Variants in CHRNA2 observed in about 807,000 individuals in gnomAD.
CHRNA2 encodes the protein neuronal acetylcholine receptor subunit alpha-2.
In CHRNA2, 40 loss-of-function variants were observed where a neutral mutation model predicts 45.5. The ratio of observed to expected loss-of-function variants is 0.88; its 90% CI spans 0.68 to 1.15. The LOEUF is 1.15. CHRNA2 is among the 50% of genes most tolerant of loss of function. The pLI, the probability that CHRNA2 is intolerant of heterozygous loss-of-function variation, is 0.00. For synonymous variants in CHRNA2, 301 were observed against 296.7 expected (o/e 1.01, Z -0.15); for missense variants, 655 against 701.7 (o/e 0.93, Z 0.75).
chr8:27,469,936 G>C lies in CHRNA2; in HGVS notation c.119C>G (p.Pro40Arg). 1 of 1,614,098 alleles carries C rather than the reference G, an allele frequency of 6.2e-7. No homozygotes were observed. Among genetic ancestry groups the C allele is most frequent in the Non-Finnish European group, 8.5e-7 (1 of 1,180,030 alleles). ...TGCCGTGGGACTGGGAGAGGAGAGTGGGTCTCCAGGAGCCCTGGGAGGTGG... is the reference window on the plus strand; with the variant it reads ...TGCCGTGGGACTGGGAGAGGAGAGTCGGTCTCCAGGAGCCCTGGGAGGTGG... ...KRPPPRAPGD[P>R]LSSPSPTALP... The change falls in exon 3 of 7, where the codon CCA (proline) becomes CGA (arginine). Residue 40 changes from proline to arginine, a missense_variant. Pro to Arg is a moderately radical substitution (Grantham distance 103, BLOSUM62 -2). This residue lies in a region of CHRNA2 where 323 missense variants were observed against 354.4 expected (regional missense o/e 0.91). Coordinates refer to ENST00000407991, the MANE Select transcript of CHRNA2 (RefSeq NM_000742.4).
chr8:27,471,356 A>C (rs1312614014), intron 1 of CHRNA2, 162 bp from the exon 2 acceptor site: 1 of 377,968 alleles, frequency 2.6e-6, no homozygotes, highest in Non-Finnish European at 5.0e-6. Context: ...TTGAGGAATC[A>C]GCCTCTTCCT....
At chr8:27,470,069 A>AACAC in intron 2 of CHRNA2, 88 bp from the exon 3 acceptor site, 1 of 1,223,752 alleles carries the variant, frequency 8.2e-7, no homozygotes, top group Non-Finnish European at 1.2e-6. Flanking sequence ...CCTATCTCAA[A>AACAC]ACATTGTTGA....
At position 27,479,040 on chromosome 8, in the gene CHRNA2, C is replaced by T. The variant is rs1224322591; in HGVS notation, c.-353G>A. On this transcript the variant is annotated 5_prime_UTR_variant, in exon 1 of 7. Transcript: ENST00000407991. ...CTTACATGAGAGGCATTTGGCTTCC[C>T]GGGGACAGCTGGGCAAGCTCTGCAG... is the stretch of plus-strand genomic sequence containing the variant. 2.0e-5 allele frequency: 3 copies of T among 152,198 alleles called. No individual in the cohort carries two copies. The highest frequency in any genetic ancestry group is 4.8e-5 in the African/African-American group (2 of 41,408). 9.4% of individuals were successfully genotyped at this position (152,198 alleles called of 1,614,324 possible). A position where few individuals can be genotyped will look rare whatever the true frequency, so the allele number is the denominator to read the frequency against.
At chr8:27,472,990 T>C (rs1021336384) in intron 1 of CHRNA2, among the ~76,000 whole-genome samples, 2 of 152,188 alleles carry the variant, frequency 1.3e-5, no homozygotes, top group African/African-American at 4.8e-5. Context: ...TAATGTTTCA[T>C]ATGAAATGAA....
intron 1 of CHRNA2, among the ~76,000 whole-genome samples, chr8:27,473,806 C>A (rs1323609173): frequency 6.6e-6 from 1 of 152,128 alleles, no homozygotes; most frequent in Non-Finnish European, 1.5e-5. Context: ...ATTCTCATCC[C>A]CCCCGTCCAC....
In CHRNA2 at chr8:27,461,650, C is replaced by T. The variant is rs199993564; in HGVS notation, c.1569G>A (p.Pro523=). The change falls in exon 7 of 7, where the codon CCG becomes CCA. Residue 523 remains proline, a synonymous_variant. Coordinates refer to ENST00000407991, the MANE Select transcript of CHRNA2 (RefSeq NM_000742.4). The part of the protein sequence containing the change: ...FLGTIGLFLP[P]FLAGMI ...GCAGTCAGATCATTCCAGCTAGGAA[C>T]GGAGGCAGAAAGAGGCCGATGGTCC... The T allele has an allele frequency of 4.6e-5, 75 of 1,614,210 alleles. No individual in the cohort carries two copies. Among genetic ancestry groups the T allele is most frequent in the Non-Finnish European group, 5.8e-5 (68 of 1,180,042 alleles).
At chr8:27,462,246 C>T (rs1812516327) in intron 6 of CHRNA2, among the ~76,000 whole-genome samples, 1 of 151,812 alleles carries the variant, frequency 6.6e-6, no homozygotes, top group African/African-American at 2.4e-5. Flanking sequence ...GGGCTCACAG[C>T]CCAGACAAGG....
rs774517643 is a variant in CHRNA2 at position 27,471,086 on chromosome 8, G to T, written c.-28C>A. On this transcript the variant is annotated 5_prime_UTR_variant, in exon 2 of 7. Transcript: ENST00000407991. ...CTTCTCCTGAGCATCAGGAGGTCAG[G>T]TCAGGGCTTTGCTGTGGGTTGCACC... is the stretch of plus-strand genomic sequence containing the variant. The T allele has an allele frequency of 5.0e-6, 8 of 1,608,528 alleles. No individual in the cohort carries two copies. The highest frequency in any genetic ancestry group is 6.8e-6 in the Non-Finnish European group (8 of 1,175,248).
rs897813564 is a variant in CHRNA2, at chr8:27,460,224, T to G, written c.*1405A>C. On this transcript the variant is annotated 3_prime_UTR_variant, in exon 7 of 7. Coordinates refer to ENST00000407991, the MANE Select transcript of CHRNA2 (RefSeq NM_000742.4). ...GTCCCACCCTCCAGTCTGGACAGAG[T>G]TGGGGGGAGGTCTGTTGCCCGATCC... 1 of 151,644 alleles carries G rather than the reference T, an allele frequency of 6.6e-6. No homozygotes were observed. Among genetic ancestry groups the G allele is most frequent in the Admixed American group, 6.6e-5 (1 of 15,240 alleles). 9.4% of individuals were successfully genotyped at this position (151,644 alleles called of 1,614,324 possible).
At chr8:27,472,773 T>C (rs942109426) in intron 1 of CHRNA2, among the ~76,000 whole-genome samples, 1 of 152,172 alleles carries the variant, frequency 6.6e-6, no homozygotes, top group African/African-American at 2.4e-5. Context: ...TTCACCGAAT[T>C]GCACACTTTA....
intron 2 of CHRNA2, among the ~76,000 whole-genome samples, chr8:27,470,594 C>G (rs1253032272): frequency 6.6e-6 from 1 of 152,198 alleles, no homozygotes; most frequent in East Asian, 1.9e-4. Context: ...GCTGTCCGAG[C>G]GAGTCGAGAA....
intron 5 of CHRNA2, among the ~76,000 whole-genome samples, chr8:27,465,614 A>T (rs1812674263): frequency 6.6e-6 from 1 of 152,136 alleles, no homozygotes; most frequent in Admixed American, 6.5e-5. Flanking sequence ...TATTTTTAGT[A>T]GAGACAGGGT....
At chr8:27,465,235 C>T (rs1377968747) in intron 5 of CHRNA2, among the ~76,000 whole-genome samples, 1 of 152,086 alleles carries the variant, frequency 6.6e-6, no homozygotes, top group East Asian at 1.9e-4. Context: ...GGAGGTGGCT[C>T]GGTGGGCTCC....
At chr8:27,467,531 G>A (rs749906968) in intron 4 of CHRNA2, 193 bp from the exon 5 acceptor site, 31 of 578,752 alleles carry the variant, frequency 5.4e-5, no homozygotes, top group Non-Finnish European at 8.7e-5. Flanking sequence ...CAACCTTCTC[G>A]CTTTGCCTGG....
rs151268950 is a variant in CHRNA2 at position 27,469,882 on chromosome 8, G to A, written c.173C>T (p.Thr58Ile). The A allele has an allele frequency of 2.1e-4, 345 of 1,614,088 alleles. No homozygotes were observed. The highest frequency in any genetic ancestry group is 2.7e-4 in the Non-Finnish European group (319 of 1,180,052). ...GAGGTGTTTGAAGAGCCGGTCCTCA[G>A]TCTCGGTATGCGAGCCTCCCTGCGG... ...ALPQGGSHTE[T>I]EDRLFKHLFR... The change falls in exon 3 of 7, where the codon ACT becomes ATT. Residue 58 changes from threonine to isoleucine, a missense_variant. Transcript: ENST00000407991.
intron 1 of CHRNA2, among the ~76,000 whole-genome samples, chr8:27,472,035 C>T (rs1812900163): frequency 6.6e-6 from 1 of 152,196 alleles, no homozygotes; most frequent in African/African-American, 2.4e-5. Flanking sequence ...CTCCATAAAA[C>T]CCCGAAAGGA....
chr8:27,476,421 AT>A (rs1813062251), intron 1 of CHRNA2, among the ~76,000 whole-genome samples: 1 of 152,152 alleles, frequency 6.6e-6, no homozygotes, highest in African/African-American at 2.4e-5. Context: ...TCGAGTCTGA[AT>A]CTGCATAAGC....
At chr8:27,470,054 C>A in intron 2 of CHRNA2, 73 bp from the exon 3 acceptor site, 2 of 1,322,738 alleles carry the variant, frequency 1.5e-6, no homozygotes, top group Non-Finnish European at 2.1e-6. Flanking sequence ...GATGCTTATC[C>A]AGAACCTATC....
chr8:27,463,814 T>C lies in CHRNA2; in HGVS notation c.629A>G (p.Lys210Arg). 2.5e-6 allele frequency: 4 copies of C among 1,614,200 alleles called. No homozygotes were observed. The highest frequency in any genetic ancestry group is 3.4e-6 in the Non-Finnish European group (4 of 1,180,032). Reference protein sequence around the residue: ...KFGSWTYDKAKIDLEQMEQTV... With the variant: ...KFGSWTYDKARIDLEQMEQTV... ...CTGCTCCATCTGCTCCAGGTCGATC[T>C]TGGCCTTGTCATAAGTCCAGGAGCC... Residue 210 changes from lysine (K) to arginine (R), a missense_variant, in exon 6 of 7, where the codon AAG becomes AGG. Physicochemically the swap from Lys to Arg is conservative, Grantham distance 26. Transcript: ENST00000407991. The surrounding 1 kb of genome is among the most constrained non-coding windows in gnomAD (Gnocchi z 6.1).
Sources: gnomAD v4.1 joint callset for allele counts (sites outside exome capture counted in the v4.1 genomes callset) on GRCh38, gnomAD v4.1.1 for gene constraint, gnomAD v4.1.1 regional missense constraint, Gnocchi (gnomAD v3.1) non-coding constraint, MANE v1.5 for transcripts, NCBI Gene and HGNC (gene_info 2026-07-23, HGNC 2026-07-21) for gene names.